ATP8A2: variants seen among roughly 807,000 people sequenced by gnomAD.
ATP8A2 encodes phospholipid-transporting ATPase IB.
A neutral mutation model predicts 165.6 loss-of-function variants in ATP8A2; 100 were observed. That is an observed-to-expected ratio of 0.60 (90% CI 0.51 to 0.71). ATP8A2 has a LOEUF of 0.71. ATP8A2 is among the 30% of genes least tolerant of loss of function. ATP8A2 has a pLI of 0.00. For missense variants in ATP8A2, 1,227 were observed against 1,479.5 expected (o/e 0.83, Z 2.80); for synonymous variants, 543 against 548.8 (o/e 0.99, Z 0.15).
At chr13:25,779,586 T>C (rs1248366630) in intron 27 of ATP8A2, among the ~76,000 whole-genome samples, 2 of 152,154 alleles carry the variant, frequency 1.3e-5, no homozygotes, top group African/African-American at 2.4e-5. Flanking sequence ...TTTTTTCTTC[T>C]CTTTTTGCAA....
chr13:25,920,341 T>C lies in ATP8A2; in HGVS notation c.3184-41234T>C, dbSNP rs75927999. On this transcript the variant is annotated intron_variant, in intron 33 of 36. Transcript: ENST00000381655. ...AAATCTCTGAAAAGTTAGGTCACCC[T>C]TCCTGGTGCTGGACTCAGTGACCCA... Among the ~76,000 whole-genome samples, 1,250 of 152,284 alleles carry C rather than the reference T, an allele frequency of 8.2e-3. 25 individuals carry two copies. The highest frequency in any genetic ancestry group is 0.028 in the African/African-American group (1,177 of 41,550).
intron 23 of ATP8A2, among the ~76,000 whole-genome samples, chr13:25,585,599 T>G (rs1485519493): frequency 6.6e-6 from 1 of 152,230 alleles, no homozygotes; most frequent in Non-Finnish European, 1.5e-5. Context: ...TTTTTAAATT[T>G]TAATACATTT....
chr13:25,947,183 T>A (rs556474310), intron 33 of ATP8A2, among the ~76,000 whole-genome samples: 1 of 152,258 alleles, frequency 6.6e-6, no homozygotes, highest in South Asian at 2.1e-4. Context: ...GATCCAGGGG[T>A]CTTCCAGGTC....
At chr13:25,704,356 G>A (rs1471018952) in intron 25 of ATP8A2, among the ~76,000 whole-genome samples, 3 of 133,086 alleles carry the variant, frequency 2.3e-5, no homozygotes, top group African/African-American at 8.3e-5. Flanking sequence ...TTTTTTTTGA[G>A]GCAGTCTTGC....
At chr13:25,554,145 G>A (rs1206504322) in intron 12 of ATP8A2, among the ~76,000 whole-genome samples, 1 of 152,170 alleles carries the variant, frequency 6.6e-6, no homozygotes, top group Non-Finnish European at 1.5e-5. Flanking sequence ...ATTGGTCAGA[G>A]AATGGGGTGG....
chr13:25,911,886 T>G (rs1954115486), intron 33 of ATP8A2, among the ~76,000 whole-genome samples: 1 of 152,056 alleles, frequency 6.6e-6, no homozygotes, highest in South Asian at 2.1e-4. Flanking sequence ...AAATTAACTG[T>G]GGAGAAAAGG....
At chr13:25,661,104 A>G (rs1180632706) in intron 24 of ATP8A2, among the ~76,000 whole-genome samples, 2 of 152,178 alleles carry the variant, frequency 1.3e-5, no homozygotes, top group Admixed American at 1.3e-4. Flanking sequence ...AGTTCACTAC[A>G]TGTGGGTATG....
intron 1 of ATP8A2, among the ~76,000 whole-genome samples, chr13:25,432,002 T>C (rs1228648891): frequency 6.6e-6 from 1 of 152,212 alleles, no homozygotes; most frequent in African/African-American, 2.4e-5. Flanking sequence ...GTGGCCTTTG[T>C]GTTTGGTTTC....
chr13:25,911,594 A>G (rs1279935981), intron 33 of ATP8A2, among the ~76,000 whole-genome samples: 2 of 152,230 alleles, frequency 1.3e-5, no homozygotes. Flanking sequence ...GTGAGTTAGT[A>G]GCTTGGCAGC....
rs149776023 is a variant in ATP8A2 at position 25,708,452 on chromosome 13, C to T, written c.2384+9107C>T. ...TTGAAAGTATGCAAAATAGCTCTTA[C>T]GTTAATTGGTCCCAAAGAAAATTAT... On this transcript the variant is annotated intron_variant, in intron 25 of 36. Transcript: ENST00000381655. Among the ~76,000 whole-genome samples the T allele has an allele frequency of 4.6e-4, 70 of 152,302 alleles. 1 individual carries two copies. In the East Asian group the frequency reaches 0.013, roughly 27 times the overall value.
chr13:25,921,476 AG>A, intron 33 of ATP8A2, among the ~76,000 whole-genome samples: 1 of 150,994 alleles, frequency 6.6e-6, no homozygotes, highest in South Asian at 2.1e-4. Flanking sequence ...AAAAAAAAAT[AG>A]CCAGGTGTGG....
intron 24 of ATP8A2, among the ~76,000 whole-genome samples, chr13:25,696,837 G>A (rs1043391609): frequency 6.6e-5 from 10 of 152,106 alleles, no homozygotes; most frequent in African/African-American, 2.4e-4. Context: ...ATGCATTCAC[G>A]ACTTGGCTAA....
At chr13:25,895,348 T>A (rs1953502969) in intron 33 of ATP8A2, among the ~76,000 whole-genome samples, 1 of 152,220 alleles carries the variant, frequency 6.6e-6, no homozygotes, top group Admixed American at 6.5e-5. Flanking sequence ...TTGATTTTCG[T>A]ATGTTGAACC....
At chr13:25,707,847 A>T (rs2043083969) in intron 25 of ATP8A2, among the ~76,000 whole-genome samples, 5 of 152,216 alleles carry the variant, frequency 3.3e-5, no homozygotes. Context: ...GTTTGTTTGC[A>T]GAAGCTCAGA....
At chr13:25,612,790 T>C (rs990784395) in intron 24 of ATP8A2, among the ~76,000 whole-genome samples, 1 of 152,204 alleles carries the variant, frequency 6.6e-6, no homozygotes, top group African/African-American at 2.4e-5. Flanking sequence ...GGTCTAGTAG[T>C]AATTGTTTTA....
intron 33 of ATP8A2, among the ~76,000 whole-genome samples, chr13:25,929,564 A>C (rs936281631): frequency 1.3e-5 from 2 of 152,184 alleles, no homozygotes; most frequent in African/African-American, 2.4e-5. Flanking sequence ...GATTTTCAAA[A>C]AACCTTGCCA....
In ATP8A2 at chr13:26,024,319, A is replaced by T. The variant is rs1329336308; in HGVS notation, c.*4334A>T. On this transcript the variant is annotated 3_prime_UTR_variant, in exon 37 of 37. Coordinates refer to ENST00000381655, the MANE Select transcript of ATP8A2 (RefSeq NM_016529.6). Reference sequence around the variant, plus strand: ...GCTCGATGTGTTGTACCCTTCATTTATTTTTTTTTCTCAGCATCCCAAGTT... The same window carrying T: ...GCTCGATGTGTTGTACCCTTCATTTTTTTTTTTTTCTCAGCATCCCAAGTT... The T allele has an allele frequency of 2.0e-5, 3 of 151,282 alleles. No individual in the cohort carries two copies. Among genetic ancestry groups the T allele is most frequent in the Admixed American group, 6.6e-5 (1 of 15,178 alleles). 9.4% of individuals were successfully genotyped at this position (151,282 alleles called of 1,614,324 possible). A position where few individuals can be genotyped will look rare whatever the true frequency, so the allele number is the denominator to read the frequency against.
At position 25,905,160 on chromosome 13, in the gene ATP8A2, C is replaced by A. The variant is rs1953895740; in HGVS notation, c.3183+42752C>A. Among the ~76,000 whole-genome samples, 3 of 152,084 alleles carry A rather than the reference C, an allele frequency of 2.0e-5. No homozygotes were observed. The South Asian group carries it at 6.2e-4, about 32-fold the overall frequency. On this transcript the variant is annotated intron_variant, in intron 33 of 36. Transcript: ENST00000381655. ...CTTCTCTCTACCCAGAGACATCACC[C>A]ATCTTCTCCTCATTCCTGAAGACCT...
chr13:25,760,603 G>A (rs2044361535), intron 25 of ATP8A2, among the ~76,000 whole-genome samples: 1 of 152,132 alleles, frequency 6.6e-6, no homozygotes, highest in African/African-American at 2.4e-5. Context: ...GTGTGTATAT[G>A]TTGGGAGGTG....
Sources: gnomAD v4.1 joint callset for allele counts (sites outside exome capture counted in the v4.1 genomes callset) on GRCh38, gnomAD v4.1.1 for gene constraint, MANE v1.5 for transcripts, NCBI Gene and HGNC (gene_info 2026-07-23, HGNC 2026-07-21) for gene names.